Variants in GGCX observed in about 807,000 individuals in gnomAD.
GGCX encodes the protein gamma-glutamyl carboxylase.
GGCX carries 63 observed loss-of-function variants against 88.5 expected under a neutral mutation model. The observed-to-expected ratio is 0.71, with a 90% CI of 0.58 to 0.88. The LOEUF (loss-of-function observed/expected upper bound fraction) is 0.88. Ranked by LOEUF, GGCX falls within the 40% of genes least tolerant of loss-of-function variation. The pLI is 0.00. For synonymous variants in GGCX, 368 were observed against 365.8 expected, an observed-to-expected ratio of 1.01 and a Z score of -0.07; for missense variants, 805 against 932.9, an observed-to-expected ratio of 0.86 and a Z score of 1.79.
Position 85,550,020 on chromosome 2 carries a change from C to A in GGCX, c.2191G>T (p.Val731Phe), listed in dbSNP as rs1390542084. Residue 731 changes from valine to phenylalanine, a missense_variant, in exon 15 of 15, where the codon GTT (valine) becomes TTT (phenylalanine). Coordinates refer to ENST00000233838, the MANE Select transcript of GGCX (RefSeq NM_000821.7). The part of the protein sequence containing the change: ...TYANLRPFEA[V>F]GELNPSNTDS... ...GTGTTTGAGGGATTCAGTTCTCCAA[C>A]TGCCTCAAAGGGTCTCAAGTTTGCA... The A allele has an allele frequency of 6.2e-7, 1 of 1,612,582 alleles. No individual in the cohort carries two copies. Among genetic ancestry groups the A allele is most frequent in the Non-Finnish European group, 8.5e-7 (1 of 1,178,738 alleles).
chr2:85,553,171 T>G, intron 8 of GGCX, 61 bp downstream of exon 8: 1 of 1,612,362 alleles, frequency 6.2e-7, no homozygotes, highest in Non-Finnish European at 8.5e-7. Context: ...CTTTCCCAAC[T>G]ATTGTCATCC....
At position 85,552,487 on chromosome 2, in the gene GGCX, G is replaced by T; in HGVS notation, c.1368C>A (p.Pro456=). Residue 456 remains proline (P), a synonymous_variant, in exon 10 of 15, where the codon CCC becomes CCA. Transcript: ENST00000233838. ...QYATCLSRLL[P]KYNVTEPQIY... ...TCTGGGGCTCAGTGACATTATACTT[G>T]GGAAGCAGGCGGCTCAGGCAAGTGG... 1 of 1,613,632 alleles carries T rather than the reference G, an allele frequency of 6.2e-7. No homozygotes were observed. Among genetic ancestry groups the T allele is most frequent in the Non-Finnish European group, 8.5e-7 (1 of 1,179,550 alleles).
rs79800840 is a variant in GGCX, at chr2:85,555,078, A to G, written c.725+406T>C. The G allele has an allele frequency of 4.5e-3, 787 of 173,768 alleles. 13 individuals are homozygous for G. Among genetic ancestry groups the G allele is most frequent in the African/African-American group, 0.018 (753 of 41,948 alleles). The allele number at this position is 173,768 out of a possible 1,614,324, so 10.8% of individuals were successfully genotyped here. ...GACCCTTTGTTTTGTGGAAGTGATA[A>G]TAATGGTTTTGTCAGAGCCTGAACA... On this transcript the variant is annotated intron_variant, in intron 6 of 14. Transcript: ENST00000233838.
At position 85,560,974 on chromosome 2, in the gene GGCX, T is replaced by G. The variant is rs1319077451; in HGVS notation, c.55A>C (p.Lys19Gln). Residue 19 changes from lysine to glutamine, a missense_variant, in exon 2 of 15, where the codon AAA becomes CAA. Lys to Gln is a moderately conservative substitution (Grantham distance 53). This residue lies in a region of GGCX where 64 missense variants were observed against 57.4 expected (regional missense o/e 1.12). Transcript: ENST00000233838. Reference protein sequence around the residue: ...RTSPSSDKVQKDKAELISGPR... With the variant: ...RTSPSSDKVQQDKAELISGPR... Reference sequence around the variant, plus strand: ...CCTGAGATCAGTTCAGCCTTGTCTTTCTGTACTTTATCTGCAATCAATAAA... The same window carrying G: ...CCTGAGATCAGTTCAGCCTTGTCTTGCTGTACTTTATCTGCAATCAATAAA... The G allele has an allele frequency of 4.2e-5, 67 of 1,613,392 alleles. No individual in the cohort carries two copies. The highest frequency in any genetic ancestry group is 5.5e-5 in the Non-Finnish European group (65 of 1,179,404).
intron 4 of GGCX, among the ~76,000 whole-genome samples, chr2:85,557,049 G>A (rs1210475605): frequency 1.3e-5 from 2 of 152,130 alleles, no homozygotes; most frequent in African/African-American, 4.8e-5. Context: ...GAGAATCTCT[G>A]GAGCCCAGGA....
Position 85,554,127 on chromosome 2 carries a change from G to A in GGCX, c.889+16C>T. On this transcript the variant is annotated intron_variant, in intron 7 of 14. Coordinates refer to ENST00000233838, the MANE Select transcript of GGCX (RefSeq NM_000821.7). ...AAACTGTGGTTCCTGTTTCCTCCCAGGCTACAGGTACTGACCAATGCTGAA... is the reference window on the plus strand; with the variant it reads ...AAACTGTGGTTCCTGTTTCCTCCCAAGCTACAGGTACTGACCAATGCTGAA... The A allele has an allele frequency of 6.2e-7, 1 of 1,604,644 alleles. No homozygotes were observed.
At chr2:85,560,705 A>T in intron 2 of GGCX, 110 bp downstream of exon 2, 1 of 873,378 alleles carries the variant, frequency 1.1e-6, no homozygotes, top group Non-Finnish European at 2.0e-6. Context: ...CTTTTATACC[A>T]ATGTCTTCAG....
chr2:85,554,221 A>C lies in GGCX; in HGVS notation c.811T>G (p.Phe271Val), dbSNP rs1197028580. Residue 271 changes from phenylalanine to valine, a missense_variant, in exon 7 of 15, where the codon TTT (phenylalanine) becomes GTT (valine). Physicochemically the swap from Phe to Val is conservative, Grantham distance 50. Coordinates refer to ENST00000233838, the MANE Select transcript of GGCX (RefSeq NM_000821.7). ...CCAATGGATCTTGAGACATCAAAAA[A>C]GAGCAGGAAACCAGCTGAGAGGTCA... is the stretch of plus-strand genomic sequence containing the variant. ...LLDLSAGFLL[F>V]FDVSRSIGLF... The C allele has an allele frequency of 5.6e-6, 9 of 1,613,288 alleles. No homozygotes were observed. Among genetic ancestry groups the C allele is most frequent in the Non-Finnish European group, 6.8e-6 (8 of 1,179,298 alleles).
intron 2 of GGCX, 107 bp downstream of exon 2, chr2:85,560,708 G>C: frequency 1.1e-6 from 1 of 886,330 alleles, no homozygotes; most frequent in Non-Finnish European, 1.9e-6. Context: ...TTATACCAAT[G>C]TCTTCAGCTC....
chr2:85,553,363 A>C lies in GGCX; in HGVS notation c.1024T>G (p.Ser342Ala). The C allele has an allele frequency of 6.2e-7, 1 of 1,614,236 alleles. No individual in the cohort carries two copies. Among genetic ancestry groups the C allele is most frequent in the Non-Finnish European group, 8.5e-7 (1 of 1,180,048 alleles). The change falls in exon 8 of 15, where the codon TCC (serine) becomes GCC (alanine). Residue 342 changes from serine (S) to alanine (A), a missense_variant. By Grantham distance (99) the Ser-to-Ala change is moderately conservative. Coordinates refer to ENST00000233838, the MANE Select transcript of GGCX (RefSeq NM_000821.7). ...PLKAAPQPSV[S>A]CVYKRSRGKS... ...CCCCGGCTCCTCTTATACACACAGGAAACACTGGGCTGAGGGGCTGCCTTG... is the reference window on the plus strand; with the variant it reads ...CCCCGGCTCCTCTTATACACACAGGCAACACTGGGCTGAGGGGCTGCCTTG...
chr2:85,561,036 A>C, intron 1 of GGCX, 51 bp from the exon 2 acceptor site: 1 of 1,449,638 alleles, frequency 6.9e-7, no homozygotes, highest in Non-Finnish European at 9.7e-7. Flanking sequence ...GCTCCACCTC[A>C]AATCAAAGAA....
In GGCX at chr2:85,554,220, A is replaced by C; in HGVS notation, c.812T>G (p.Phe271Cys). Residue 271 changes from phenylalanine (F) to cysteine (C), a missense_variant, in exon 7 of 15, where the codon TTT (phenylalanine) becomes TGT (cysteine). Phe to Cys is a radical substitution (Grantham distance 205, BLOSUM62 -2). Coordinates refer to ENST00000233838, the MANE Select transcript of GGCX (RefSeq NM_000821.7). Reference sequence around the variant, plus strand: ...GCCAATGGATCTTGAGACATCAAAAAAGAGCAGGAAACCAGCTGAGAGGTC... The same window carrying C: ...GCCAATGGATCTTGAGACATCAAAACAGAGCAGGAAACCAGCTGAGAGGTC... ...LLDLSAGFLL[F>C]FDVSRSIGLF... The C allele has an allele frequency of 1.2e-6, 2 of 1,613,412 alleles. No homozygotes were observed. Among genetic ancestry groups the C allele is most frequent in the Non-Finnish European group, 1.7e-6 (2 of 1,179,318 alleles).
rs121909679 is a variant in GGCX, at chr2:85,551,943, C to G, written c.1478G>C (p.Trp493Ser). ...CCAGGATGTGCGCTGAAAGGGTGAC[C>G]AAGCGGCCTGCACGATGTCCACACG... is the stretch of plus-strand genomic sequence containing the variant. ...DPRVDIVQAA[W>S]SPFQRTSWVQ... The change falls in exon 11 of 15, where the codon TGG (tryptophan) becomes TCG (serine). Residue 493 changes from tryptophan to serine, a missense_variant. Trp to Ser is a radical substitution (Grantham distance 177). Transcript: ENST00000233838. 6.2e-7 allele frequency: 1 copy of G among 1,613,982 alleles called. No individual in the cohort carries two copies. The highest frequency in any genetic ancestry group is 8.5e-7 in the Non-Finnish European group (1 of 1,179,890).
chr2:85,561,451 G>A lies in GGCX; in HGVS notation c.-23C>T, dbSNP rs537250931. 7.7e-5 allele frequency: 119 copies of A among 1,549,716 alleles called. No individual in the cohort carries two copies. The highest frequency in any genetic ancestry group is 9.6e-5 in the Non-Finnish European group (109 of 1,140,904). On this transcript the variant is annotated 5_prime_UTR_variant, in exon 1 of 15. Coordinates refer to ENST00000233838, the MANE Select transcript of GGCX (RefSeq NM_000821.7). ...CATTGCTCTGCGGAGGAGGCAGGTGGGTCACAGCTGCCGCGTCTGAACGGA... is the reference window on the plus strand; with the variant it reads ...CATTGCTCTGCGGAGGAGGCAGGTGAGTCACAGCTGCCGCGTCTGAACGGA...
chr2:85,559,070 A>G lies in GGCX; in HGVS notation c.220T>C (p.Leu74=), dbSNP rs756367850. The G allele has an allele frequency of 6.2e-6, 10 of 1,614,114 alleles. No homozygotes were observed. Among genetic ancestry groups the G allele is most frequent in the East Asian group, 2.2e-5 (1 of 44,892 alleles). The change falls in exon 3 of 15, where the codon TTG becomes CTG. Residue 74 remains leucine (L), a synonymous_variant. Transcript: ENST00000233838. ...LAVFRFLFGF[L]MVLDIPQERG... is the part of the protein sequence containing the mutation. ...TCCTGGGGAATGTCTAGCACCATCA[A>G]GAACCCTAAGAAGGCAATAGGGGAG...
At chr2:85,561,032 C>T in intron 1 of GGCX, 47 bp from the exon 2 acceptor site, 1 of 1,508,842 alleles carries the variant, frequency 6.6e-7, no homozygotes, top group Non-Finnish European at 9.2e-7. Flanking sequence ...GTGGGCTCCA[C>T]CTCAAATCAA....
At position 85,548,841 on chromosome 2, in the gene GGCX, A is replaced by T. The variant is rs1691793004; in HGVS notation, c.*1093T>A. The T allele has an allele frequency of 2.0e-5, 3 of 152,178 alleles. No individual in the cohort carries two copies. Among genetic ancestry groups the T allele is most frequent in the South Asian group, 2.1e-4 (1 of 4,824 alleles). 9.4% of individuals were successfully genotyped at this position (152,178 alleles called of 1,614,324 possible). ...CCCTTACTAAATTTAGTTAATTCTT[A>T]CTTTACCTCCCCTTCTGCTCACCAA... On this transcript the variant is annotated 3_prime_UTR_variant, in exon 15 of 15. Coordinates refer to ENST00000233838, the MANE Select transcript of GGCX (RefSeq NM_000821.7).
chr2:85,553,282 G>A lies in GGCX; in HGVS notation c.1105C>T (p.Leu369Phe). 6.2e-7 allele frequency: 1 copy of A among 1,614,268 alleles called. No individual in the cohort carries two copies. The highest frequency in any genetic ancestry group is 8.5e-7 in the Non-Finnish European group (1 of 1,180,030). ...RHQLGAAFTL[L>F]YLLEQLFLPY... Reference sequence around the variant, plus strand: ...AGGAATAGCTGCTCCAGGAGGTAGAGCAGGGTGAAGGCAGCTCCCAGCTGA... The same window carrying A: ...AGGAATAGCTGCTCCAGGAGGTAGAACAGGGTGAAGGCAGCTCCCAGCTGA... Residue 369 changes from leucine to phenylalanine, a missense_variant, in exon 8 of 15, where the codon CTC (leucine) becomes TTC (phenylalanine). This residue lies in a region of GGCX where 680 missense variants were observed against 763.7 expected (regional missense o/e 0.89). Coordinates refer to ENST00000233838, the MANE Select transcript of GGCX (RefSeq NM_000821.7).
chr2:85,551,349 G>A lies in GGCX; in HGVS notation c.1740+131C>T, dbSNP rs1691942392. 3.3e-6 allele frequency: 3 copies of A among 902,754 alleles called. No individual in the cohort carries two copies. In the African/African-American group the frequency reaches 4.9e-5, roughly 15 times the overall value. 55.9% of individuals were successfully genotyped at this position (902,754 alleles called of 1,614,324 possible). A position where few individuals can be genotyped will look rare whatever the true frequency, so the allele number is the denominator to read the frequency against. On this transcript the variant is annotated intron_variant, in intron 12 of 14. Coordinates refer to ENST00000233838, the MANE Select transcript of GGCX (RefSeq NM_000821.7). ...CATTGTTTTTTAAATTGTTAGAGATGGGGTCTCACTCTGTTGCTCAGGCTC... is the reference window on the plus strand; with the variant it reads ...CATTGTTTTTTAAATTGTTAGAGATAGGGTCTCACTCTGTTGCTCAGGCTC...
Sources: gnomAD v4.1 joint callset for allele counts (sites outside exome capture counted in the v4.1 genomes callset) on GRCh38, gnomAD v4.1.1 for gene constraint, gnomAD v4.1.1 regional missense constraint, MANE v1.5 for transcripts, NCBI Gene and HGNC (gene_info 2026-07-23, HGNC 2026-07-21) for gene names.